Variants in PROS1 observed in about 807,000 individuals in gnomAD.
The protein encoded by PROS1 is vitamin K-dependent protein S.
A neutral mutation model predicts 75.9 loss-of-function variants in PROS1; 29 were observed. That is an observed-to-expected ratio of 0.38 (90% CI 0.28 to 0.52). The LOEUF is 0.52. PROS1 is among the 20% of genes least tolerant of loss of function. The probability of loss-of-function intolerance (pLI) is 0.83; values close to 1 mark genes in which losing one functional copy is unlikely to be tolerated. For synonymous variants in PROS1, 245 were observed against 280.6 expected, an observed-to-expected ratio of 0.87 and a Z score of 1.27; for missense variants, 680 against 810.3, an observed-to-expected ratio of 0.84 and a Z score of 1.95.
intron 1 of PROS1, among the ~76,000 whole-genome samples, chr3:93,938,144 A>G (rs949965340): frequency 2.0e-5 from 3 of 152,214 alleles, no homozygotes; most frequent in Admixed American, 1.3e-4. Flanking sequence ...GAAGGATCAC[A>G]AAAGAAGTGA....
chr3:93,874,243 C>G lies in PROS1; in HGVS notation c.*2G>C, dbSNP rs1191581600. On this transcript the variant is annotated 3_prime_UTR_variant, in exon 15 of 15. Transcript: ENST00000394236. Reference sequence around the variant, plus strand: ...AGGTATTATAAGCAGAGAAAAGATGCCTTAAGAATTCTTTGTCTTTTTCCA... The same window carrying G: ...AGGTATTATAAGCAGAGAAAAGATGGCTTAAGAATTCTTTGTCTTTTTCCA... 16 of 1,613,012 alleles carry G rather than the reference C, an allele frequency of 9.9e-6. No homozygotes were observed. In the South Asian group the frequency reaches 1.5e-4, roughly 15 times the overall value.
intron 3 of PROS1, among the ~76,000 whole-genome samples, chr3:93,917,216 T>C (rs1353518131): frequency 1.3e-5 from 2 of 152,254 alleles, no homozygotes; most frequent in Non-Finnish European, 2.9e-5. Context: ...TTTCCTCCAT[T>C]TCCACTTTCA....
chr3:93,883,429 G>A (rs1235426100), intron 12 of PROS1, among the ~76,000 whole-genome samples: 5 of 151,172 alleles, frequency 3.3e-5, no homozygotes, highest in Admixed American at 6.6e-5. Context: ...GCAAAACCTC[G>A]TCAAAAATAC....
chr3:93,940,115 G>A (rs779182811), intron 1 of PROS1, among the ~76,000 whole-genome samples: 13 of 152,190 alleles, frequency 8.5e-5, no homozygotes, highest in African/African-American at 1.2e-4. Context: ...AGGAATGCCC[G>A]CAGCCCGGGA....
At chr3:93,950,474 T>G (rs988873342) in intron 1 of PROS1, among the ~76,000 whole-genome samples, 3 of 152,188 alleles carry the variant, frequency 2.0e-5, no homozygotes, top group African/African-American at 7.2e-5. Context: ...GGTGTCCCTC[T>G]GAGACGAAGC....
intron 3 of PROS1, among the ~76,000 whole-genome samples, chr3:93,914,080 C>T (rs1314059075): frequency 2.0e-5 from 3 of 152,248 alleles, no homozygotes; most frequent in Non-Finnish European, 4.4e-5. Context: ...ATCCCTATGG[C>T]TTTGCTGGGC....
intron 1 of PROS1, among the ~76,000 whole-genome samples, chr3:93,953,134 G>C (rs1709534169): frequency 6.6e-6 from 1 of 152,180 alleles, no homozygotes; most frequent in South Asian, 2.1e-4. Flanking sequence ...ATTCACAGCT[G>C]AATTCTACCA....
intron 3 of PROS1, among the ~76,000 whole-genome samples, chr3:93,916,803 A>G (rs1383189270): frequency 6.6e-6 from 1 of 152,228 alleles, no homozygotes; most frequent in African/African-American, 2.4e-5. Context: ...ATCTTGCTAC[A>G]TGTACCTTTA....
At position 93,881,556 on chromosome 3, in the gene PROS1, C is replaced by CTTT. The variant is rs71105164; in HGVS notation, c.1493-2245_1493-2243dup. Among the ~76,000 whole-genome samples, 817 of 118,442 alleles carry CTTT rather than the reference C, an allele frequency of 6.9e-3. 34 individuals are homozygous for CTTT. Among genetic ancestry groups the CTTT allele is most frequent in the African/African-American group, 0.018 (550 of 31,266 alleles). The allele number at this position is 118,442 out of a possible 152,430, so 77.7% of individuals were successfully genotyped here. ...AAAATGTATTTTAATGTAGTAAGCA[C>CTTT]TTTTTTTTTTTTTTTTTTTGTGAGA... On this transcript the variant is annotated intron_variant, in intron 12 of 14. Coordinates refer to ENST00000394236, the MANE Select transcript of PROS1 (RefSeq NM_000313.4).
intron 1 of PROS1, among the ~76,000 whole-genome samples, chr3:93,945,032 T>C (rs558131915): frequency 6.6e-6 from 1 of 152,252 alleles, no homozygotes; most frequent in Non-Finnish European, 1.5e-5. Flanking sequence ...GAGAATACTA[T>C]GAACACCTCT....
intron 1 of PROS1, among the ~76,000 whole-genome samples, chr3:93,936,258 A>G (rs1325697224): frequency 1.3e-5 from 2 of 152,106 alleles, no homozygotes; most frequent in East Asian, 1.9e-4. Flanking sequence ...TCTGATGACT[A>G]TTAAAGGGGG....
chr3:93,927,483 T>C, intron 1 of PROS1, 76 bp from the exon 2 acceptor site: 2 of 1,452,430 alleles, frequency 1.4e-6, no homozygotes, highest in Non-Finnish European at 1.9e-6. Flanking sequence ...ACAATAAGAG[T>C]TAAAATCATT....
chr3:93,947,742 T>G (rs1709427456), intron 1 of PROS1, among the ~76,000 whole-genome samples: 1 of 151,992 alleles, frequency 6.6e-6, no homozygotes, highest in African/African-American at 2.4e-5. Context: ...AATTTTTTTG[T>G]ATTTTTAGTA....
At chr3:93,934,664 A>C (rs1281821823) in intron 1 of PROS1, among the ~76,000 whole-genome samples, 1 of 151,428 alleles carries the variant, frequency 6.6e-6, no homozygotes, top group Admixed American at 6.6e-5. Context: ...GGGAGAGAAA[A>C]AGAAGAAGTA....
intron 1 of PROS1, among the ~76,000 whole-genome samples, chr3:93,956,555 CACACACAA>C (rs1311571350): frequency 2.6e-5 from 2 of 76,332 alleles, no homozygotes; most frequent in Admixed American, 3.7e-4. Context: ...CACACACACA[CACACACAA>C]ACACACACAC....
Position 93,896,633 on chromosome 3 carries a change from G to T in PROS1, c.908C>A (p.Ala303Glu). 4 of 1,613,702 alleles carry T rather than the reference G, an allele frequency of 2.5e-6. No homozygotes were observed. Among genetic ancestry groups the T allele is most frequent in the African/African-American group, 1.3e-5 (1 of 74,974 alleles). ...TAAAACAACCCCTGCAAACTGCTCCGCCAAGTAAAGTAATTCATACTTTGT... is the reference window on the plus strand; with the variant it reads ...TAAAACAACCCCTGCAAACTGCTCCTCCAAGTAAAGTAATTCATACTTTGT... The part of the protein sequence containing the change: ...LDTKYELLYL[A>E]EQFAGVVLYL... The change falls in exon 9 of 15, where the codon GCG (alanine) becomes GAG (glutamate). Residue 303 changes from alanine to glutamate, a missense_variant. Physicochemically the swap from Ala to Glu is moderately radical, Grantham distance 107. Coordinates refer to ENST00000394236, the MANE Select transcript of PROS1 (RefSeq NM_000313.4).
intron 1 of PROS1, among the ~76,000 whole-genome samples, chr3:93,940,785 C>G (rs1709272037): frequency 6.6e-6 from 1 of 152,170 alleles, no homozygotes; most frequent in Non-Finnish European, 1.5e-5. Flanking sequence ...GGGATTAAAG[C>G]CTGTTATCAC....
At chr3:93,948,342 A>C (rs1019122371) in intron 1 of PROS1, among the ~76,000 whole-genome samples, 1 of 152,110 alleles carries the variant, frequency 6.6e-6, no homozygotes, top group African/African-American at 2.4e-5. Flanking sequence ...TTGAAATAAG[A>C]AGTTATAAGT....
chr3:93,900,543 T>A (rs1325435994), intron 7 of PROS1, among the ~76,000 whole-genome samples: 1 of 152,188 alleles, frequency 6.6e-6, no homozygotes, highest in African/African-American at 2.4e-5. Flanking sequence ...GTTTATCTTG[T>A]TTTTACCACA....
Sources: allele counts gnomAD v4.1 joint callset (sites outside exome capture counted in the v4.1 genomes callset), GRCh38; gene constraint gnomAD v4.1.1; transcripts MANE v1.5; gene names NCBI Gene and HGNC (gene_info 2026-07-23, HGNC 2026-07-21).